The following NKAIN3 variants were observed in gnomAD, a reference collection of about 807,000 sequenced individuals.
The protein encoded by NKAIN3 is sodium/potassium-transporting ATPase subunit beta-1-interacting protein 3.
In NKAIN3, 25 loss-of-function variants were observed where a neutral mutation model predicts 30.2. The observed-to-expected ratio is 0.83, with a 90% CI of 0.60 to 1.16. NKAIN3 has a LOEUF of 1.16. NKAIN3 is among the 50% of genes most tolerant of loss of function. NKAIN3 has a pLI of 0.00. For missense variants in NKAIN3, 225 were observed against 254.1 expected (o/e 0.89, Z 0.78); for synonymous variants, 91 against 89.6 (o/e 1.02, Z -0.09).
chr8:62,727,360 C>T (rs1210080319), intron 3 of NKAIN3, among the ~76,000 whole-genome samples: 1 of 151,820 alleles, frequency 6.6e-6, no homozygotes, highest in Admixed American at 6.6e-5. Flanking sequence ...GGCAGTAAGA[C>T]AACAAAAGGA....
intron 3 of NKAIN3, among the ~76,000 whole-genome samples, chr8:62,736,200 C>G (rs922687547): frequency 3.9e-5 from 6 of 152,190 alleles, no homozygotes; most frequent in African/African-American, 1.4e-4. Flanking sequence ...CTAGGGTCAC[C>G]TGGATAAGTT....
intron 3 of NKAIN3, among the ~76,000 whole-genome samples, chr8:62,702,056 G>C (rs1332363010): frequency 6.6e-6 from 1 of 152,170 alleles, no homozygotes. Flanking sequence ...TTCGTGGCTT[G>C]ATTTAGTTCT....
chr8:62,619,857 T>G (rs1210683848), intron 3 of NKAIN3, among the ~76,000 whole-genome samples: 1 of 152,114 alleles, frequency 6.6e-6, no homozygotes, highest in East Asian at 1.9e-4. Flanking sequence ...TCAACACCCT[T>G]GTAAAATAAA....
chr8:62,934,346 C>A (rs1444501351), intron 5 of NKAIN3, among the ~76,000 whole-genome samples: 1 of 150,588 alleles, frequency 6.6e-6, no homozygotes, highest in South Asian at 2.1e-4. Context: ...CCACTGCAGT[C>A]CAGCCTGGAC....
intron 4 of NKAIN3, among the ~76,000 whole-genome samples, chr8:62,772,380 T>C (rs1817045364): frequency 6.6e-6 from 1 of 152,176 alleles, no homozygotes; most frequent in Non-Finnish European, 1.5e-5. Context: ...GGAGTGTAGA[T>C]ATCTTTTGAC....
At chr8:62,959,638 T>C (rs1197897508) in intron 6 of NKAIN3, among the ~76,000 whole-genome samples, 1 of 152,190 alleles carries the variant, frequency 6.6e-6, no homozygotes, top group Admixed American at 6.5e-5. Context: ...CTTATATTTA[T>C]CCAGATAGAG....
chr8:62,479,286 C>G (rs10504349), intron 1 of NKAIN3, among the ~76,000 whole-genome samples: 4,853 of 152,230 alleles, frequency 0.032, 295 homozygotes, highest in African/African-American at 0.11. Context: ...CCTAGGTTCT[C>G]TGACAGGTAC....
At chr8:62,804,500 G>C (rs566354841) in intron 4 of NKAIN3, among the ~76,000 whole-genome samples, 2 of 152,180 alleles carry the variant, frequency 1.3e-5, no homozygotes, top group South Asian at 4.1e-4. Flanking sequence ...TTCAATATAC[G>C]CAAATCAATA....
At chr8:62,544,411 C>T (rs1808944212) in intron 1 of NKAIN3, among the ~76,000 whole-genome samples, 4 of 152,080 alleles carry the variant, frequency 2.6e-5, no homozygotes, top group Non-Finnish European at 2.9e-5. Flanking sequence ...TACATGTTTA[C>T]TATAGAAAAT....
chr8:62,363,230 G>A (rs896088163), intron 1 of NKAIN3, among the ~76,000 whole-genome samples: 1 of 152,116 alleles, frequency 6.6e-6, no homozygotes, highest in Non-Finnish European at 1.5e-5. Flanking sequence ...GTTACCCTTC[G>A]TTTGCCTTTG....
intron 1 of NKAIN3, among the ~76,000 whole-genome samples, chr8:62,475,907 C>T (rs1409709664): frequency 6.6e-6 from 1 of 152,200 alleles, no homozygotes; most frequent in African/African-American, 2.4e-5. Context: ...CAGATTACAG[C>T]TCTCTTCTTG....
chr8:62,940,323 A>G (rs1410275409), intron 5 of NKAIN3, among the ~76,000 whole-genome samples: 1 of 152,136 alleles, frequency 6.6e-6, no homozygotes, highest in Non-Finnish European at 1.5e-5. Context: ...ATGGCAGGGG[A>G]CTTCAATACT....
intron 1 of NKAIN3, among the ~76,000 whole-genome samples, chr8:62,267,795 C>G (rs1478361175): frequency 2.0e-5 from 3 of 152,142 alleles, no homozygotes; most frequent in African/African-American, 7.2e-5. Flanking sequence ...AAATATGTCC[C>G]ATAGATTGTT....
intron 3 of NKAIN3, among the ~76,000 whole-genome samples, chr8:62,630,989 T>C (rs959194418): frequency 6.6e-6 from 1 of 152,102 alleles, no homozygotes; most frequent in Non-Finnish European, 1.5e-5. Flanking sequence ...GAAAGAGAAA[T>C]ACGTTTTTAC....
chr8:62,719,423 A>G (rs553311368), intron 3 of NKAIN3, among the ~76,000 whole-genome samples: 1 of 152,356 alleles, frequency 6.6e-6, no homozygotes, highest in South Asian at 2.1e-4. Context: ...TAATCTACCA[A>G]AAATGGATGC....
chr8:62,345,274 CAT>C (rs150691600), intron 1 of NKAIN3, among the ~76,000 whole-genome samples: 5 of 148,630 alleles, frequency 3.4e-5, no homozygotes, highest in African/African-American at 1.2e-4. Flanking sequence ...CACACACACA[CAT>C]ATACACGCAC....
chr8:62,745,265 G>T (rs1027325723), intron 3 of NKAIN3, among the ~76,000 whole-genome samples: 3 of 152,236 alleles, frequency 2.0e-5, no homozygotes, highest in African/African-American at 7.2e-5. Context: ...ATGCACTGAC[G>T]TGTGTCAGTT....
chr8:62,879,344 G>C (rs6983938), intron 4 of NKAIN3, among the ~76,000 whole-genome samples: 106,066 of 151,992 alleles, frequency 0.7, 37,753 homozygotes, highest in African/African-American at 0.8. Context: ...CCTTTGCCCA[G>C]TTTTTGATGG....
chr8:62,723,432 G>A (rs1378837331), intron 3 of NKAIN3, among the ~76,000 whole-genome samples: 1 of 152,054 alleles, frequency 6.6e-6, no homozygotes, highest in Non-Finnish European at 1.5e-5. Flanking sequence ...AATCACAAAG[G>A]TAGCACAATT....
Sources: allele counts gnomAD v4.1 joint callset (sites outside exome capture counted in the v4.1 genomes callset), GRCh38; gene constraint gnomAD v4.1.1; transcripts MANE v1.5; gene names NCBI Gene and HGNC (gene_info 2026-07-23, HGNC 2026-07-21).